The following RASSF5 variants were observed in gnomAD, a reference collection of about 807,000 sequenced individuals.
RASSF5 encodes the protein ras association domain-containing protein 5.
RASSF5 carries 25 observed loss-of-function variants against 40.5 expected under a neutral mutation model. The observed-to-expected ratio is 0.62, with a 90% CI of 0.45 to 0.86. The LOEUF (loss-of-function observed/expected upper bound fraction) is 0.86, where lower values mean the gene tolerates loss of function less well. RASSF5 is among the 40% of genes least tolerant of loss of function. The probability of loss-of-function intolerance (pLI) is 0.00; values close to 1 mark genes in which losing one functional copy is unlikely to be tolerated. For synonymous variants in RASSF5, 246 were observed against 252.4 expected, an observed-to-expected ratio of 0.97 and a Z score of 0.24; for missense variants, 521 against 572.8, an observed-to-expected ratio of 0.91 and a Z score of 0.92.
chr1:206,572,733 G>A (rs570582660), intron 2 of RASSF5: 59 of 152,312 alleles, frequency 3.9e-4, no homozygotes, highest in African/African-American at 1.3e-3. Context: ...TGAACATTTA[G>A]GTTGAAGAAA....
At chr1:206,578,580 C>T (rs559293655) in intron 2 of RASSF5, among the ~76,000 whole-genome samples, 12 of 152,116 alleles carry the variant, frequency 7.9e-5, no homozygotes, top group Non-Finnish European at 1.5e-4. Flanking sequence ...GGAGGAAAGA[C>T]TGACAAATTT....
At chr1:206,515,032 G>A (rs58462631) in intron 1 of RASSF5, among the ~76,000 whole-genome samples, 5,638 of 152,272 alleles carry the variant, frequency 0.037, 394 homozygotes, top group African/African-American at 0.13. Context: ...AAATGACTTC[G>A]CTAAGATAAC....
intron 2 of RASSF5, among the ~76,000 whole-genome samples, chr1:206,568,609 C>CA (rs1553403728): frequency 6.6e-6 from 1 of 152,178 alleles, no homozygotes; most frequent in Non-Finnish European, 1.5e-5. Context: ...CCCTGTCCTC[C>CA]AGGGAGCTCC....
At chr1:206,582,808 G>A (rs368237284) in intron 2 of RASSF5, among the ~76,000 whole-genome samples, 21 of 152,304 alleles carry the variant, frequency 1.4e-4, no homozygotes, top group South Asian at 4.1e-4. Context: ...ATGGGTAGAC[G>A]CCTGTCCCTC....
intron 1 of RASSF5, among the ~76,000 whole-genome samples, chr1:206,511,542 G>A (rs1553394650): frequency 6.6e-6 from 1 of 152,190 alleles, no homozygotes; most frequent in African/African-American, 2.4e-5. Flanking sequence ...GTCAGTGAAT[G>A]CCACCTGTCT....
intron 4 of RASSF5, 42 bp from the exon 5 acceptor site, chr1:206,585,138 C>T: frequency 6.6e-7 from 1 of 1,520,046 alleles, no homozygotes; most frequent in Non-Finnish European, 9.1e-7. Flanking sequence ...CCCCGCCCTT[C>T]TTTTCTGGGA....
rs1369544522 is a variant in RASSF5, at chr1:206,538,400, C to G, written c.579+107C>G. ...GTGAGCAGGAGGTGGCATGAGGCCT[C>G]AGATTCCACATGCACTGGATGGAGT... On this transcript the variant is annotated intron_variant, in intron 2 of 5. Coordinates refer to ENST00000579436, the MANE Select transcript of RASSF5 (RefSeq NM_182663.4). 11 of 1,433,026 alleles carry G rather than the reference C, an allele frequency of 7.7e-6. No homozygotes were observed. The African/African-American group carries it at 1.5e-4, about 20-fold the overall frequency. 88.8% of individuals were successfully genotyped at this position (1,433,026 alleles called of 1,614,324 possible).
chr1:206,553,688 C>T (rs1447622628), intron 2 of RASSF5, among the ~76,000 whole-genome samples: 6 of 152,110 alleles, frequency 3.9e-5, no homozygotes, highest in African/African-American at 9.7e-5. Context: ...GACTTACCCC[C>T]CAAGGAGAGC....
chr1:206,547,133 A>G (rs1553400305), intron 2 of RASSF5, among the ~76,000 whole-genome samples: 1 of 152,224 alleles, frequency 6.6e-6, no homozygotes, highest in Admixed American at 6.5e-5. Flanking sequence ...ATTTTAAAAA[A>G]GAAAAGAAAA....
intron 1 of RASSF5, among the ~76,000 whole-genome samples, chr1:206,522,769 G>A (rs879947623): frequency 1.1e-4 from 17 of 151,904 alleles, no homozygotes; most frequent in Admixed American, 1.1e-3. Flanking sequence ...GTCAAATAGA[G>A]GTGCATCTCT....
intron 1 of RASSF5, among the ~76,000 whole-genome samples, chr1:206,516,971 T>A (rs150438263): frequency 3.3e-4 from 51 of 152,260 alleles, no homozygotes; most frequent in African/African-American, 1.2e-3. Flanking sequence ...CTTATGCCCT[T>A]CTTCTGGTAC....
At chr1:206,529,758 TTTCC>T in intron 1 of RASSF5, 1 of 447,170 alleles carries the variant, frequency 2.2e-6, no homozygotes, top group Non-Finnish European at 3.9e-6. Context: ...TACTACAATT[TTTCC>T]TTCAAAAAAA....
intron 2 of RASSF5, among the ~76,000 whole-genome samples, chr1:206,575,643 G>A (rs1668613415): frequency 6.6e-6 from 1 of 152,144 alleles, no homozygotes; most frequent in Non-Finnish European, 1.5e-5. Context: ...AAATAGAAGA[G>A]GAAGCAATGA....
intron 1 of RASSF5, among the ~76,000 whole-genome samples, chr1:206,537,445 A>G (rs1667444872): frequency 6.6e-6 from 1 of 152,210 alleles, no homozygotes. Context: ...CTCTGGAAGC[A>G]CTTTTAATTC....
At chr1:206,514,554 G>A (rs1553395152) in intron 1 of RASSF5, among the ~76,000 whole-genome samples, 1 of 152,112 alleles carries the variant, frequency 6.6e-6, no homozygotes, top group African/African-American at 2.4e-5. Context: ...CCTGTTTTTT[G>A]AACAAACATA....
chr1:206,581,596 AAAAG>A (rs200979291), intron 2 of RASSF5, among the ~76,000 whole-genome samples: 10 of 150,742 alleles, frequency 6.6e-5, no homozygotes, highest in African/African-American at 1.7e-4. Flanking sequence ...GAGACGAAAG[AAAAG>A]AAAGAAAGAA....
rs1266783405 is a variant in RASSF5, at chr1:206,531,559, T to A, written c.458-6613T>A. ...TGTGCGCAGAGGGCGCTGGAGACCC[T>A]CTCTGGGTGTTCTTGGAGCTGCCAT... On this transcript the variant is annotated intron_variant, in intron 1 of 5. Coordinates refer to ENST00000579436, the MANE Select transcript of RASSF5 (RefSeq NM_182663.4). This position sits in a 1 kb window ranked among gnomAD's most constrained non-coding sequence, Gnocchi z 4.7. 2.0e-5 allele frequency among the ~76,000 whole-genome samples: 3 copies of A among 152,130 alleles called. No homozygotes were observed. Among genetic ancestry groups the A allele is most frequent in the African/African-American group, 7.2e-5 (3 of 41,432 alleles).
chr1:206,580,340 G>A (rs1188502758), intron 2 of RASSF5, among the ~76,000 whole-genome samples: 2 of 152,208 alleles, frequency 1.3e-5, no homozygotes, highest in Admixed American at 6.5e-5. Flanking sequence ...GAAGCTTCTA[G>A]AATTTTCTTT....
chr1:206,519,199 A>G (rs1666840331), intron 1 of RASSF5, among the ~76,000 whole-genome samples: 2 of 152,196 alleles, frequency 1.3e-5, no homozygotes. Context: ...AGACAACAGC[A>G]ATCCAAATCA....
Sources: allele counts gnomAD v4.1 joint callset (sites outside exome capture counted in the v4.1 genomes callset), GRCh38; gene constraint gnomAD v4.1.1; non-coding constraint Gnocchi (gnomAD v3.1); transcripts MANE v1.5; gene names NCBI Gene and HGNC (gene_info 2026-07-23, HGNC 2026-07-21).